Variants in ZNF385D observed in about 807,000 individuals in gnomAD.
The protein encoded by ZNF385D is zinc finger protein 659.
A neutral mutation model predicts 35.8 loss-of-function variants in ZNF385D; 15 were observed. That is an observed-to-expected ratio of 0.42 (90% CI 0.28 to 0.64). The LOEUF is 0.64. ZNF385D is among the 30% of genes least tolerant of loss of function. ZNF385D has a pLI of 0.23. For missense variants in ZNF385D, 474 were observed against 494.6 expected (o/e 0.96, Z 0.39); for synonymous variants, 212 against 186.8 (o/e 1.13, Z -1.10).
chr3:21,734,086 T>C (rs960013591), intron 1 of ZNF385D, among the ~76,000 whole-genome samples: 5 of 152,218 alleles, frequency 3.3e-5, no homozygotes, highest in African/African-American at 1.2e-4. Flanking sequence ...AATTATAGTA[T>C]CACTCTGCCT....
chr3:22,163,439 T>G (rs1234346759), intron 3 of ZNF385D, among the ~76,000 whole-genome samples: 3 of 152,198 alleles, frequency 2.0e-5, no homozygotes, highest in Non-Finnish European at 4.4e-5. Flanking sequence ...CAGAAGATCA[T>G]TTTCCTTAAT....
chr3:22,325,789 CT>C (rs1234707123), intron 2 of ZNF385D, among the ~76,000 whole-genome samples: 4 of 151,962 alleles, frequency 2.6e-5, no homozygotes, highest in Admixed American at 1.3e-4. Flanking sequence ...ACAGAGCCAT[CT>C]TTCCTTCTCT....
chr3:22,130,867 G>C (rs1233148248), intron 3 of ZNF385D, among the ~76,000 whole-genome samples: 1 of 152,062 alleles, frequency 6.6e-6, no homozygotes, highest in Non-Finnish European at 1.5e-5. Context: ...ACAATCATTA[G>C]TGGGTTCTGT....
chr3:21,914,124 G>A (rs576866837), intron 3 of ZNF385D, among the ~76,000 whole-genome samples: 24 of 152,120 alleles, frequency 1.6e-4, no homozygotes, highest in African/African-American at 5.8e-4. Flanking sequence ...AACATTGGAA[G>A]CATCTTAAAT....
At chr3:21,989,947 T>C (rs371303915) in intron 3 of ZNF385D, among the ~76,000 whole-genome samples, 50 of 152,350 alleles carry the variant, frequency 3.3e-4, no homozygotes, top group African/African-American at 1.2e-3. Context: ...CAAAGATTTA[T>C]GTGTAACATT....
At chr3:22,222,188 G>A (rs922771494) in intron 2 of ZNF385D, among the ~76,000 whole-genome samples, 1 of 151,806 alleles carries the variant, frequency 6.6e-6, no homozygotes, top group Non-Finnish European at 1.5e-5. Flanking sequence ...TGTTGGCTAG[G>A]CTGGTCCTGT....
intron 3 of ZNF385D, among the ~76,000 whole-genome samples, chr3:21,826,627 G>A (rs1308993793): frequency 1.3e-5 from 2 of 152,104 alleles, no homozygotes; most frequent in African/African-American, 4.8e-5. Flanking sequence ...TGTGGTCAGA[G>A]ACAGCAGCTA....
chr3:21,581,508 G>A (rs2063662723), intron 2 of ZNF385D, among the ~76,000 whole-genome samples: 1 of 152,134 alleles, frequency 6.6e-6, no homozygotes, highest in South Asian at 2.1e-4. Context: ...TAAAACAAGT[G>A]CCTGATGACA....
At chr3:21,640,851 TAC>T (rs2065583606) in intron 2 of ZNF385D, among the ~76,000 whole-genome samples, 1 of 152,148 alleles carries the variant, frequency 6.6e-6, no homozygotes, top group Non-Finnish European at 1.5e-5. Flanking sequence ...GACAGGGAGC[TAC>T]CAATTCACTA....
Position 22,354,078 on chromosome 3 carries a change from C to T in ZNF385D, c.106+18372G>A, listed in dbSNP as rs111880326. Among the ~76,000 whole-genome samples, 1,396 of 152,152 alleles carry T rather than the reference C, an allele frequency of 9.2e-3. 20 individuals carry two copies. Among genetic ancestry groups the T allele is most frequent in the African/African-American group, 0.031 (1,300 of 41,514 alleles). On this transcript the variant is annotated intron_variant, in intron 2 of 5. Coordinates refer to the ZNF385D transcript ENST00000494108. ...GACCATAGCTCTGTTAACTCCAATG[C>T]TCCATCTGCTTCTCACTAGCATCCC...
At chr3:22,250,388 T>C (rs1008074048) in intron 2 of ZNF385D, among the ~76,000 whole-genome samples, 1 of 152,084 alleles carries the variant, frequency 6.6e-6, no homozygotes, top group Non-Finnish European at 1.5e-5. Flanking sequence ...GGTGTATTTC[T>C]GCTTATCAAC....
intron 3 of ZNF385D, among the ~76,000 whole-genome samples, chr3:22,028,089 T>C (rs1423368601): frequency 1.3e-5 from 2 of 152,108 alleles, no homozygotes; most frequent in Non-Finnish European, 2.9e-5. Flanking sequence ...CTGTAGTCAA[T>C]GGTTTGGCTG....
At position 21,706,225 on chromosome 3, in the gene ZNF385D, C is replaced by A. The variant is rs1448291012; in HGVS notation, c.23-41197G>T. Among the ~76,000 whole-genome samples the A allele has an allele frequency of 4.0e-5, 6 of 151,820 alleles. No homozygotes were observed. In the East Asian group the frequency reaches 1.2e-3, roughly 29 times the overall value. On this transcript the variant is annotated intron_variant, in intron 1 of 7. Transcript: ENST00000281523. ...CTTATGTGATTTCACACTGGCAAAA[C>A]AAAACTCTTGTTGAGAAATTTGTCC...
chr3:21,958,595 C>G (rs1576009659), intron 3 of ZNF385D, among the ~76,000 whole-genome samples: 1 of 152,148 alleles, frequency 6.6e-6, no homozygotes, highest in Middle Eastern at 3.4e-3. Context: ...TGTTCCAAGT[C>G]AATGAAAATG....
chr3:21,680,053 T>G (rs1012843552), intron 1 of ZNF385D, among the ~76,000 whole-genome samples: 16 of 152,090 alleles, frequency 1.1e-4, no homozygotes, highest in Admixed American at 7.9e-4. Flanking sequence ...TATTTAATAT[T>G]ATTTATGGTC....
chr3:21,996,236 A>C (rs1695458993), intron 3 of ZNF385D, among the ~76,000 whole-genome samples: 1 of 152,164 alleles, frequency 6.6e-6, no homozygotes, highest in East Asian at 1.9e-4. Flanking sequence ...GTCCACAAGC[A>C]TCAAGGGACT....
rs139241172 is a variant in ZNF385D, at chr3:22,241,495, G to A, written c.107-72460C>T. On this transcript the variant is annotated intron_variant, in intron 2 of 5. Transcript: ENST00000494108. Reference sequence around the variant, plus strand: ...CATCCACTGACTCAGTTTCCAAATCGTGGACAAGATTGATTTTGTGTATTC... The same window carrying A: ...CATCCACTGACTCAGTTTCCAAATCATGGACAAGATTGATTTTGTGTATTC... 1.5e-3 allele frequency among the ~76,000 whole-genome samples: 229 copies of A among 151,224 alleles called. 10 individuals are homozygous for A. The highest frequency in any genetic ancestry group is 5.3e-3 in the African/African-American group (219 of 40,986).
chr3:22,109,174 A>G (rs1702382143), intron 3 of ZNF385D, among the ~76,000 whole-genome samples: 1 of 152,206 alleles, frequency 6.6e-6, no homozygotes, highest in East Asian at 1.9e-4. Flanking sequence ...GCAGATAACT[A>G]AAATCAACTC....
intron 3 of ZNF385D, among the ~76,000 whole-genome samples, chr3:22,033,273 G>A (rs999921170): frequency 2.6e-5 from 4 of 151,740 alleles, no homozygotes; most frequent in Admixed American, 1.3e-4. Flanking sequence ...ATGGTGGCGC[G>A]TGCCTGTCAT....
Sources: allele counts gnomAD v4.1 joint callset (sites outside exome capture counted in the v4.1 genomes callset), GRCh38; gene constraint gnomAD v4.1.1; transcripts MANE v1.5; gene names NCBI Gene and HGNC (gene_info 2026-07-23, HGNC 2026-07-21).